CWF19L2: variants seen among roughly 807,000 people sequenced by gnomAD.
CWF19L2 encodes CWF19-like protein 2.
A neutral mutation model predicts 111.7 loss-of-function variants in CWF19L2; 98 were observed. The ratio of observed to expected loss-of-function variants is 0.88; its 90% CI spans 0.75 to 1.04. CWF19L2 has a LOEUF of 1.04. Ranked by LOEUF, CWF19L2 falls within the 50% of genes least tolerant of loss-of-function variation. CWF19L2 has a pLI of 0.00. For missense variants in CWF19L2, 1,101 were observed against 1,051.4 expected (o/e 1.05, Z -0.65); for synonymous variants, 351 against 342.9 (o/e 1.02, Z -0.26).
chr11:107,379,489 T>A (rs1860649259), intron 12 of CWF19L2, among the ~76,000 whole-genome samples: 1 of 152,242 alleles, frequency 6.6e-6, no homozygotes, highest in African/African-American at 2.4e-5. Flanking sequence ...ATTCTGATTC[T>A]GATAACTGCA....
chr11:107,360,923 G>A (rs1860320262), intron 12 of CWF19L2, among the ~76,000 whole-genome samples: 1 of 152,088 alleles, frequency 6.6e-6, no homozygotes, highest in Non-Finnish European at 1.5e-5. Flanking sequence ...TTCTCGCACT[G>A]TGCAGGCTAT....
intron 13 of CWF19L2, among the ~76,000 whole-genome samples, chr11:107,352,252 T>C (rs1397093059): frequency 2.1e-5 from 3 of 146,250 alleles, no homozygotes; most frequent in Admixed American, 6.9e-5. Context: ...AACTCCACGG[T>C]AACCTAAATA....
chr11:107,335,504 T>A (rs926018746), intron 15 of CWF19L2, among the ~76,000 whole-genome samples: 1 of 152,208 alleles, frequency 6.6e-6, no homozygotes, highest in Non-Finnish European at 1.5e-5. Context: ...GATAGCAACT[T>A]AACTTTGATT....
At chr11:107,328,474 G>A (rs1859796091) in intron 17 of CWF19L2, among the ~76,000 whole-genome samples, 1 of 152,102 alleles carries the variant, frequency 6.6e-6, no homozygotes, top group Non-Finnish European at 1.5e-5. Context: ...CTTGCTCTCT[G>A]AACAACTGCT....
At chr11:107,381,883 A>T (rs1320551809) in intron 12 of CWF19L2, among the ~76,000 whole-genome samples, 1 of 152,192 alleles carries the variant, frequency 6.6e-6, no homozygotes, top group Admixed American at 6.5e-5. Context: ...TTTATTAGAC[A>T]ATAAAATCAT....
chr11:107,355,458 A>C (rs112923968), intron 12 of CWF19L2, among the ~76,000 whole-genome samples: 7 of 152,088 alleles, frequency 4.6e-5, no homozygotes, highest in African/African-American at 1.7e-4. Flanking sequence ...ACAACAACAA[A>C]AAACAAAACT....
At chr11:107,451,971 C>T (rs1045675652) in intron 3 of CWF19L2, among the ~76,000 whole-genome samples, 1 of 152,140 alleles carries the variant, frequency 6.6e-6, no homozygotes, top group African/African-American at 2.4e-5. Flanking sequence ...CAGCAGACAT[C>T]ATGCTTAAAT....
chr11:107,411,391 A>C (rs1861155650), intron 10 of CWF19L2, among the ~76,000 whole-genome samples: 1 of 152,156 alleles, frequency 6.6e-6, no homozygotes, highest in African/African-American at 2.4e-5. Context: ...TTTCACTTTA[A>C]CACAGGAAAC....
In CWF19L2 at chr11:107,404,492, T is replaced by C. The variant is rs1331363031; in HGVS notation, c.1618-11597A>G. On this transcript the variant is annotated intron_variant, in intron 10 of 17. Transcript: ENST00000282251. ...CAGCCCTTAGTTGTTGTAGGCGAGA[T>C]GACTGTATGGACTGTATCCCACAAA... is the stretch of plus-strand genomic sequence containing the variant. 79 of 751,706 alleles carry C rather than the reference T, an allele frequency of 1.1e-4. 2 individuals are homozygous for C. The East Asian group carries it at 1.9e-3, about 18-fold the overall frequency. 46.6% of individuals were successfully genotyped at this position (751,706 alleles called of 1,614,324 possible). A position where few individuals can be genotyped will look rare whatever the true frequency, so the allele number is the denominator to read the frequency against.
At chr11:107,346,969 T>G (rs1253298989) in intron 14 of CWF19L2, among the ~76,000 whole-genome samples, 1 of 152,196 alleles carries the variant, frequency 6.6e-6, no homozygotes, top group Non-Finnish European at 1.5e-5. Context: ...CACTCCACAT[T>G]GAAGTTCACT....
Position 107,353,765 on chromosome 11 carries a change from A to C in CWF19L2, c.1873-29T>G, listed in dbSNP as rs745891327. ...AAAAACCAAAATAACAGTAATAGAG[A>C]GTAGAAGGTAGTGATTAAGATTTTA... On this transcript the variant is annotated intron_variant, in intron 12 of 17. Coordinates refer to ENST00000282251, the MANE Select transcript of CWF19L2 (RefSeq NM_152434.3). 3.2e-6 allele frequency: 5 copies of C among 1,565,586 alleles called. No homozygotes were observed. In the African/African-American group the frequency reaches 6.8e-5, roughly 21 times the overall value.
intron 8 of CWF19L2, 35 bp downstream of exon 8, chr11:107,428,764 A>G (rs756886635): frequency 6.7e-7 from 1 of 1,496,268 alleles, no homozygotes; most frequent in Non-Finnish European, 9.1e-7. Flanking sequence ...AACTCTCTGG[A>G]TCTTAACTTA....
In CWF19L2 at chr11:107,429,050, T is replaced by C. The variant is rs745855109; in HGVS notation, c.1182A>G (p.Ala394=). 9.9e-6 allele frequency: 16 copies of C among 1,613,780 alleles called. No homozygotes were observed. Among genetic ancestry groups the C allele is most frequent in the Non-Finnish European group, 1.2e-5 (14 of 1,179,842 alleles). The change falls in exon 8 of 18, where the codon GCA becomes GCG. Residue 394 remains alanine (A), a synonymous_variant. Transcript: ENST00000282251. ...TACACAAAGAGCCCTGAGCTACCAA[T>C]GCTGAAGATGAACTAAGTGGTTCAA... The part of the protein sequence containing the change: ...RKFEPLSSSS[A]LVAQGSLCSG...
At chr11:107,362,408 A>T (rs1254533082) in intron 12 of CWF19L2, among the ~76,000 whole-genome samples, 7 of 152,026 alleles carry the variant, frequency 4.6e-5, no homozygotes, top group Non-Finnish European at 1.0e-4. Flanking sequence ...TAACCTCTGC[A>T]GACTTAAATG....
intron 12 of CWF19L2, among the ~76,000 whole-genome samples, chr11:107,356,707 G>A (rs970388799): frequency 9.2e-5 from 14 of 152,136 alleles, no homozygotes; most frequent in African/African-American, 3.4e-4. Flanking sequence ...AAATATTTCT[G>A]CAACACAGAA....
chr11:107,409,286 T>C (rs1417401713), intron 10 of CWF19L2, among the ~76,000 whole-genome samples: 2 of 152,076 alleles, frequency 1.3e-5, no homozygotes, highest in South Asian at 2.1e-4. Flanking sequence ...CTGATTTATA[T>C]ACAAAATGAT....
At position 107,407,889 on chromosome 11, in the gene CWF19L2, C is replaced by T. The variant is rs938526260; in HGVS notation, c.1617+8320G>A. On this transcript the variant is annotated intron_variant, in intron 10 of 17. Coordinates refer to ENST00000282251, the MANE Select transcript of CWF19L2 (RefSeq NM_152434.3). ...AGAAAGCATTGAGAATTAAATACATCCTATAGTCATATGAGTGGGTGTTTC... is the reference window on the plus strand; with the variant it reads ...AGAAAGCATTGAGAATTAAATACATTCTATAGTCATATGAGTGGGTGTTTC... Among the ~76,000 whole-genome samples the T allele has an allele frequency of 4.6e-5, 7 of 151,940 alleles. No homozygotes were observed. The South Asian group carries it at 1.5e-3, about 32-fold the overall frequency.
intron 12 of CWF19L2, among the ~76,000 whole-genome samples, chr11:107,383,836 T>C (rs1860727970): frequency 6.6e-6 from 1 of 152,210 alleles, no homozygotes; most frequent in Non-Finnish European, 1.5e-5. Context: ...GCCCAGGTAG[T>C]ATCAGATTTC....
chr11:107,433,859 T>C (rs1206379255), intron 6 of CWF19L2, 110 bp from the exon 7 acceptor site: 1 of 190,140 alleles, frequency 5.3e-6, no homozygotes, highest in Admixed American at 6.4e-5. Flanking sequence ...TTTCTTTAAA[T>C]ATATAAGTGC....
Sources: gnomAD v4.1 joint callset for allele counts (sites outside exome capture counted in the v4.1 genomes callset) on GRCh38, gnomAD v4.1.1 for gene constraint, MANE v1.5 for transcripts, NCBI Gene and HGNC (gene_info 2026-07-23, HGNC 2026-07-21) for gene names.